Variants in FSTL5 observed in about 807,000 individuals in gnomAD.
FSTL5 encodes follistatin-related protein 5.
Under a neutral mutation model 89.1 loss-of-function variants are expected in FSTL5, and 62 were observed. That is an observed-to-expected ratio of 0.70 (90% confidence interval 0.57 to 0.86). The LOEUF (loss-of-function observed/expected upper bound fraction) is 0.86. Among genes scored for constraint, FSTL5 ranks in the 40% least tolerant of loss-of-function variants. FSTL5 has a pLI of 0.00. For missense variants in FSTL5, 1,057 were observed against 1,001.6 expected, an observed-to-expected ratio of 1.06 and a Z score of -0.75; for synonymous variants, 383 against 346.2, an observed-to-expected ratio of 1.11 and a Z score of -1.18.
chr4:161,520,483 A>G (rs919165109), intron 10 of FSTL5, among the ~76,000 whole-genome samples: 1 of 152,024 alleles, frequency 6.6e-6, no homozygotes, highest in Non-Finnish European at 1.5e-5. Context: ...ATAACAAAAA[A>G]CATCAAAGAC....
intron 15 of FSTL5, among the ~76,000 whole-genome samples, chr4:161,414,185 G>C (rs1456607280): frequency 6.6e-6 from 1 of 152,126 alleles, no homozygotes; most frequent in Non-Finnish European, 1.5e-5. Flanking sequence ...TAAGCTAAAA[G>C]TAATTCATAG....
chr4:161,564,523 AATTT>A (rs1269686856), intron 8 of FSTL5, among the ~76,000 whole-genome samples: 3 of 147,280 alleles, frequency 2.0e-5, no homozygotes, highest in Admixed American at 6.9e-5. Flanking sequence ...TCATATAATT[AATTT>A]ATTAATTTTT....
intron 3 of FSTL5, among the ~76,000 whole-genome samples, chr4:162,013,388 A>G (rs1053581044): frequency 6.6e-6 from 1 of 152,144 alleles, no homozygotes; most frequent in Non-Finnish European, 1.5e-5. Context: ...AGTGTAACAC[A>G]TAACACTCCT....
At chr4:161,569,536 C>T (rs2126583253) in intron 8 of FSTL5, among the ~76,000 whole-genome samples, 1 of 152,276 alleles carries the variant, frequency 6.6e-6, no homozygotes, top group East Asian at 1.9e-4. Context: ...TGTTCCTCCA[C>T]TGTCTCTGAG....
chr4:161,467,107 A>G lies in FSTL5; in HGVS notation c.1609-7788T>C, dbSNP rs372149516. Among the ~76,000 whole-genome samples, 10 of 152,254 alleles carry G rather than the reference A, an allele frequency of 6.6e-5. No homozygotes were observed. The South Asian group carries it at 2.1e-3, about 32-fold the overall frequency. On this transcript the variant is annotated intron_variant, in intron 13 of 15. Coordinates refer to ENST00000306100, the MANE Select transcript of FSTL5 (RefSeq NM_020116.5). ...AGAAAACTTCAAAGTTTACATTTCA[A>G]TAACTGTAACATTATTTTCTTTATT...
intron 6 of FSTL5, among the ~76,000 whole-genome samples, chr4:161,661,374 A>C (rs556142328): frequency 1.3e-4 from 20 of 152,284 alleles, no homozygotes; most frequent in African/African-American, 4.8e-4. Context: ...GCCTAGAATA[A>C]ATTTTATCAG....
intron 15 of FSTL5, among the ~76,000 whole-genome samples, chr4:161,419,744 T>C (rs1259760395): frequency 2.0e-5 from 3 of 152,204 alleles, no homozygotes; most frequent in Non-Finnish European, 2.9e-5. Flanking sequence ...ATGAGATTCA[T>C]AGGTTCAGGA....
intron 15 of FSTL5, among the ~76,000 whole-genome samples, chr4:161,414,582 G>A (rs1475596044): frequency 6.6e-6 from 1 of 152,098 alleles, no homozygotes; most frequent in Non-Finnish European, 1.5e-5. Context: ...CTGGTGTCCT[G>A]AATCTTTTTA....
intron 6 of FSTL5, among the ~76,000 whole-genome samples, chr4:161,740,330 T>C (rs189614119): frequency 7.8e-4 from 118 of 152,134 alleles, no homozygotes; most frequent in Middle Eastern, 3.4e-3. Flanking sequence ...TGAAATAGTA[T>C]AGTATCGCTT....
intron 4 of FSTL5, among the ~76,000 whole-genome samples, chr4:161,843,613 G>A (rs772415206): frequency 4.7e-4 from 71 of 152,072 alleles, no homozygotes; most frequent in African/African-American, 8.9e-4. Context: ...CCAATGGACC[G>A]GAAAAGAGGC....
chr4:161,759,580 T>C, intron 5 of FSTL5, 49 bp from the exon 6 acceptor site: 1 of 1,161,578 alleles, frequency 8.6e-7, no homozygotes, highest in Non-Finnish European at 1.2e-6. Context: ...TCTTAAAATT[T>C]CTATAATATA....
chr4:161,739,568 T>C lies in FSTL5; in HGVS notation c.727+19843A>G, dbSNP rs552512958. On this transcript the variant is annotated intron_variant, in intron 6 of 15. Coordinates refer to ENST00000306100, the MANE Select transcript of FSTL5 (RefSeq NM_020116.5). Reference sequence around the variant, plus strand: ...CACATTTTCTACACACTGAATCAAATATTTGGACAAAGCTGTCTTATATGG... The same window carrying C: ...CACATTTTCTACACACTGAATCAAACATTTGGACAAAGCTGTCTTATATGG... Among the ~76,000 whole-genome samples, 9 of 152,320 alleles carry C rather than the reference T, an allele frequency of 5.9e-5. No individual in the cohort carries two copies. In the South Asian group the frequency reaches 1.9e-3, roughly 32 times the overall value.
intron 7 of FSTL5, among the ~76,000 whole-genome samples, chr4:161,621,385 T>A (rs1340814558): frequency 6.6e-6 from 1 of 151,556 alleles, no homozygotes; most frequent in Non-Finnish European, 1.5e-5. Flanking sequence ...CATTGAAATA[T>A]AAGATTTCAA....
chr4:161,972,168 A>G (rs953959132), intron 3 of FSTL5, among the ~76,000 whole-genome samples: 20 of 152,000 alleles, frequency 1.3e-4, no homozygotes, highest in Non-Finnish European at 1.5e-4. Flanking sequence ...TCTGGGCTCA[A>G]TGCAACCTCC....
chr4:162,099,505 T>A (rs1730901702), intron 2 of FSTL5, among the ~76,000 whole-genome samples: 1 of 152,126 alleles, frequency 6.6e-6, no homozygotes, highest in Non-Finnish European at 1.5e-5. Context: ...AGATAACCTC[T>A]GGTATGGTAA....
chr4:161,717,037 C>G (rs1014700608), intron 6 of FSTL5, among the ~76,000 whole-genome samples: 3 of 152,084 alleles, frequency 2.0e-5, no homozygotes, highest in Non-Finnish European at 1.5e-5. Flanking sequence ...TGGTTTTTAT[C>G]TGGGATCTCA....
chr4:161,888,815 T>C (rs1560900903), intron 4 of FSTL5, among the ~76,000 whole-genome samples: 1 of 152,054 alleles, frequency 6.6e-6, no homozygotes, highest in African/African-American at 2.4e-5. Context: ...ATTTCAATTA[T>C]TAAATTTAAA....
At chr4:162,090,044 A>G (rs1415787593) in intron 2 of FSTL5, among the ~76,000 whole-genome samples, 1 of 152,176 alleles carries the variant, frequency 6.6e-6, no homozygotes. Flanking sequence ...AGCCACATGC[A>G]AATTATTAAA....
At chr4:161,955,878 G>C (rs1735014350) in intron 3 of FSTL5, among the ~76,000 whole-genome samples, 1 of 151,740 alleles carries the variant, frequency 6.6e-6, no homozygotes, top group African/African-American at 2.4e-5. Context: ...TTTTCAAGGA[G>C]AGAGGTGGTT....
Sources: gnomAD v4.1 joint callset for allele counts (sites outside exome capture counted in the v4.1 genomes callset) on GRCh38, gnomAD v4.1.1 for gene constraint, MANE v1.5 for transcripts, NCBI Gene and HGNC (gene_info 2026-07-23, HGNC 2026-07-21) for gene names.